FAM184A: variants seen among roughly 807,000 people sequenced by gnomAD.
FAM184A encodes protein FAM184A.
FAM184A carries 99 observed loss-of-function variants against 143.8 expected under a neutral mutation model. That is an observed-to-expected ratio of 0.69 (90% confidence interval 0.58 to 0.81). FAM184A has a LOEUF of 0.81. Among genes scored for constraint, FAM184A ranks in the 40% least tolerant of loss-of-function variants. FAM184A has a pLI of 0.00. For missense variants in FAM184A, 1,217 were observed against 1,310.5 expected, an observed-to-expected ratio of 0.93 and a Z score of 1.10; for synonymous variants, 427 against 446.4, an observed-to-expected ratio of 0.96 and a Z score of 0.55.
intron 1 of FAM184A, among the ~76,000 whole-genome samples, chr6:119,094,590 A>G (rs1788456847): frequency 6.6e-6 from 1 of 152,168 alleles, no homozygotes; most frequent in Non-Finnish European, 1.5e-5. Context: ...CTGTTCCAGA[A>G]TACCATCCCG....
At position 119,025,932 on chromosome 6, in the gene FAM184A, G is replaced by A. The variant is rs1308201420; in HGVS notation, c.160-1119C>T. On this transcript the variant is annotated intron_variant, in intron 1 of 17. Coordinates refer to ENST00000338891, the MANE Select transcript of FAM184A (RefSeq NM_024581.6). ...TAGAGAAATTATTCATGCAGCCTGAGGTAACTGTGGCAGACTGGCTGGCTC... is the reference window on the plus strand; with the variant it reads ...TAGAGAAATTATTCATGCAGCCTGAAGTAACTGTGGCAGACTGGCTGGCTC... Among the ~76,000 whole-genome samples the A allele has an allele frequency of 2.0e-5, 3 of 152,160 alleles. No homozygotes were observed. In the East Asian group the frequency reaches 5.8e-4, roughly 29 times the overall value.
At chr6:119,069,028 C>A in intron 1 of FAM184A, 1 of 379,358 alleles carries the variant, frequency 2.6e-6, no homozygotes, top group Non-Finnish European at 5.6e-6. Flanking sequence ...TTTCTCAAGT[C>A]TGTTGGAAAA....
intron 1 of FAM184A, among the ~76,000 whole-genome samples, chr6:119,142,133 AT>A (rs1772259472): frequency 6.6e-6 from 1 of 152,116 alleles, no homozygotes; most frequent in African/African-American, 2.4e-5. Context: ...CAGCAAATCT[AT>A]TTTGTATGCC....
At chr6:119,056,856 G>C (rs1391261334) in intron 1 of FAM184A, among the ~76,000 whole-genome samples, 1 of 152,246 alleles carries the variant, frequency 6.6e-6, no homozygotes, top group Non-Finnish European at 1.5e-5. Context: ...CTAAAGATGT[G>C]ACTTTCTTCC....
At chr6:119,044,787 T>C (rs1786466282) in intron 1 of FAM184A, among the ~76,000 whole-genome samples, 2 of 152,172 alleles carry the variant, frequency 1.3e-5, no homozygotes, top group African/African-American at 2.4e-5. Flanking sequence ...TAATGGCCAA[T>C]ACACTGGGAA....
At chr6:119,013,593 G>A (rs779195654) in intron 5 of FAM184A, among the ~76,000 whole-genome samples, 33 of 152,218 alleles carry the variant, frequency 2.2e-4, no homozygotes, top group Non-Finnish European at 4.0e-4. Context: ...GTGCAAACTG[G>A]TTCTGGAATA....
rs1458116768 is a variant in FAM184A, at chr6:119,023,613, C to G, written c.1014+346G>C. On this transcript the variant is annotated intron_variant, in intron 2 of 17. Coordinates refer to ENST00000338891, the MANE Select transcript of FAM184A (RefSeq NM_024581.6). ...TAAGCTCACTCACCCAGGCTGGTTT[C>G]TAACACCTGGCCTGAAGCGATCCTC... 6.4e-5 allele frequency among the ~76,000 whole-genome samples: 8 copies of G among 124,382 alleles called. No individual in the cohort carries two copies. The Admixed American group carries it at 8.4e-4, about 13-fold the overall frequency. 81.6% of individuals were successfully genotyped at this position (124,382 alleles called of 152,430 possible).
intron 1 of FAM184A, among the ~76,000 whole-genome samples, chr6:119,092,606 C>T (rs1788400103): frequency 1.3e-5 from 2 of 152,088 alleles, no homozygotes; most frequent in Admixed American, 1.3e-4. Context: ...TTAGTGTCAC[C>T]TCAGATCCTG....
intron 14 of FAM184A, among the ~76,000 whole-genome samples, chr6:118,973,414 G>A (rs956087527): frequency 1.3e-5 from 2 of 152,138 alleles, no homozygotes; most frequent in Non-Finnish European, 2.9e-5. Flanking sequence ...GGACAACACA[G>A]GAAACCAAGA....
intron 1 of FAM184A, among the ~76,000 whole-genome samples, chr6:119,096,021 T>C (rs1295601336): frequency 1.3e-5 from 2 of 152,176 alleles, no homozygotes; most frequent in Admixed American, 1.3e-4. Context: ...TCTTTGTATT[T>C]GAGCCTATCT....
intron 9 of FAM184A, among the ~76,000 whole-genome samples, chr6:118,999,811 G>A (rs1784690930): frequency 6.6e-6 from 1 of 152,166 alleles, no homozygotes; most frequent in African/African-American, 2.4e-5. Flanking sequence ...CCCCCAATGT[G>A]GTGCTGGTAA....
In FAM184A at chr6:118,961,912, T is replaced by G; in HGVS notation, c.3190A>C (p.Asn1064His). 6.2e-7 allele frequency: 1 copy of G among 1,613,894 alleles called. No homozygotes were observed. The highest frequency in any genetic ancestry group is 1.1e-5 in the South Asian group (1 of 91,074). Residue 1064 changes from asparagine to histidine, a missense_variant, in exon 17 of 18, where the codon AAT becomes CAT. By Grantham distance (68) the Asn-to-His change is moderately conservative. Coordinates refer to ENST00000338891, the MANE Select transcript of FAM184A (RefSeq NM_024581.6). Reference protein sequence around the residue: ...SPTNRFVSVPNLSALESGGVG... With the variant: ...SPTNRFVSVPHLSALESGGVG... ...CCACCAGATTCCAGAGCACTTAGATTGGGAACACTCACAAACCTGTTTGTT... is the reference window on the plus strand; with the variant it reads ...CCACCAGATTCCAGAGCACTTAGATGGGGAACACTCACAAACCTGTTTGTT...
chr6:119,111,914 C>T (rs538570564), intron 1 of FAM184A, among the ~76,000 whole-genome samples: 1 of 152,014 alleles, frequency 6.6e-6, no homozygotes, highest in South Asian at 2.1e-4. Flanking sequence ...GTTTAGTGGC[C>T]CTAGAGAAAT....
intron 15 of FAM184A, among the ~76,000 whole-genome samples, chr6:118,965,646 A>G (rs914456648): frequency 4.6e-5 from 7 of 152,104 alleles, no homozygotes; most frequent in Non-Finnish European, 1.0e-4. Flanking sequence ...CAAATCACTA[A>G]TCTTGACCTA....
intron 16 of FAM184A, chr6:118,962,805 G>A (rs144220660): frequency 1.2e-3 from 175 of 152,034 alleles, no homozygotes; most frequent in African/African-American, 4.0e-3. Context: ...TAGAATCAAT[G>A]ATCATCATCT....
In FAM184A at chr6:119,001,326, C is replaced by T. The variant is rs575240712; in HGVS notation, c.2088+1573G>A. ...TGTGGAAAAAGGAAGATATTATAATCTTGGAAATGGTCTGATGGCATGGAG... is the reference window on the plus strand; with the variant it reads ...TGTGGAAAAAGGAAGATATTATAATTTTGGAAATGGTCTGATGGCATGGAG... On this transcript the variant is annotated intron_variant, in intron 9 of 17. Coordinates refer to ENST00000338891, the MANE Select transcript of FAM184A (RefSeq NM_024581.6). Among the ~76,000 whole-genome samples, 11 of 151,696 alleles carry T rather than the reference C, an allele frequency of 7.3e-5. No individual in the cohort carries two copies. The South Asian group carries it at 2.3e-3, about 32-fold the overall frequency.
At chr6:119,081,820 A>T (rs1206294199), upstream of FAM184A, among the ~76,000 whole-genome samples, 1 of 152,122 alleles carries the variant, frequency 6.6e-6, no homozygotes, top group Non-Finnish European at 1.5e-5. Context: ...CTATCAGTGC[A>T]TTGCTCTCAA....
chr6:119,117,454 A>G (rs1789090285), intron 1 of FAM184A, among the ~76,000 whole-genome samples: 1 of 152,224 alleles, frequency 6.6e-6, no homozygotes, highest in Non-Finnish European at 1.5e-5. Flanking sequence ...CTGCCACACA[A>G]TACATTTGAG....
chr6:118,983,692 C>T (rs1166160613), intron 9 of FAM184A, among the ~76,000 whole-genome samples: 1 of 151,836 alleles, frequency 6.6e-6, no homozygotes, highest in Non-Finnish European at 1.5e-5. Context: ...TTGATAGGTG[C>T]CAGACATTTT....
Sources: allele counts gnomAD v4.1 joint callset (sites outside exome capture counted in the v4.1 genomes callset), GRCh38; gene constraint gnomAD v4.1.1; transcripts MANE v1.5; gene names NCBI Gene and HGNC (gene_info 2026-07-23, HGNC 2026-07-21).